The following SAR1B variants were observed in gnomAD, a reference collection of about 807,000 sequenced individuals.
SAR1B encodes secretion associated Ras related GTPase 1B, also known as small COPII coat GTPase SAR1B.
Under a neutral mutation model 26.8 loss-of-function variants are expected in SAR1B, and 23 were observed. The ratio of observed to expected loss-of-function variants is 0.86; its 90% confidence interval spans 0.62 to 1.22. SAR1B has a LOEUF of 1.22. Ranked by LOEUF, SAR1B falls within the 50% of genes most tolerant of loss-of-function variation. The pLI is 0.00. For missense variants in SAR1B, 196 were observed against 232.8 expected (o/e 0.84, Z 1.03); for synonymous variants, 65 against 80.8 (o/e 0.80, Z 1.05).
In SAR1B at chr5:134,621,065, A is replaced by C; in HGVS notation, c.59-13T>G. 1 of 1,612,628 alleles carries C rather than the reference A, an allele frequency of 6.2e-7. No homozygotes were observed. Among genetic ancestry groups the C allele is most frequent in the South Asian group, 1.1e-5 (1 of 91,066 alleles). ...TTCTTATATAATCCTGCAAAGCAAGAGCTATGATTGGTCAAAGTGATATCT... is the reference window on the plus strand; with the variant it reads ...TTCTTATATAATCCTGCAAAGCAAGCGCTATGATTGGTCAAAGTGATATCT... On this transcript the variant is annotated splice_polypyrimidine_tract_variant and intron_variant, in intron 2 of 6. Coordinates refer to ENST00000402673, the MANE Select transcript of SAR1B (RefSeq NM_016103.4).
intron 4 of SAR1B, among the ~76,000 whole-genome samples, chr5:134,611,685 G>A (rs1213290784): frequency 6.6e-6 from 1 of 152,152 alleles, no homozygotes; most frequent in East Asian, 1.9e-4. Flanking sequence ...TAAGTGCTAT[G>A]AAGTATAGCT....
chr5:134,630,456 CAAAAAAAAA>C (rs773343974), intron 1 of SAR1B, among the ~76,000 whole-genome samples: 7 of 41,562 alleles, frequency 1.7e-4, no homozygotes, highest in African/African-American at 6.3e-4. Flanking sequence ...AACTCTATCT[CAAAAAAAAA>C]AAAAAAAAAA....
intron 1 of SAR1B, among the ~76,000 whole-genome samples, chr5:134,627,372 G>GT (rs1385387536): frequency 6.6e-6 from 1 of 151,094 alleles, no homozygotes; most frequent in African/African-American, 2.4e-5. Flanking sequence ...TTTTGACAGA[G>GT]TCTCCCTCTC....
rs1439122387 is a variant in SAR1B, at chr5:134,602,216, A to G, written c.*4734T>C. On this transcript the variant is annotated 3_prime_UTR_variant, in exon 7 of 7. Transcript: ENST00000402673. ...GGATAACTTCGCTTACTTTCCTTTGAATACTTTGGATTCTGTTTAAAAGTA... is the reference window on the plus strand; with the variant it reads ...GGATAACTTCGCTTACTTTCCTTTGGATACTTTGGATTCTGTTTAAAAGTA... 2 of 152,240 alleles carry G rather than the reference A, an allele frequency of 1.3e-5. No individual in the cohort carries two copies. Among genetic ancestry groups the G allele is most frequent in the African/African-American group, 2.4e-5 (1 of 41,460 alleles). The allele number at this position is 152,240 out of a possible 1,614,324, so 9.4% of individuals were successfully genotyped here.
intron 3 of SAR1B, among the ~76,000 whole-genome samples, chr5:134,617,691 G>GA (rs1020739883): frequency 1.3e-5 from 2 of 151,854 alleles, no homozygotes; most frequent in African/African-American, 4.8e-5. Context: ...TGTGTTTTTT[G>GA]TTTTTTTCGA....
rs184929645 is a variant in SAR1B, at chr5:134,603,232, C to T, written c.*3718G>A. ...TTACTTGGCAATAAATCCTTGCAAA[C>T]GTCAGTCATGTAAGTGACTAACAAG... On this transcript the variant is annotated 3_prime_UTR_variant, in exon 7 of 7. Transcript: ENST00000402673. 1.6e-4 allele frequency: 24 copies of T among 152,246 alleles called. No individual in the cohort carries two copies. The highest frequency in any genetic ancestry group is 1.2e-3 in the Admixed American group (18 of 15,290). 9.4% of individuals were successfully genotyped at this position (152,246 alleles called of 1,614,324 possible). A position where few individuals can be genotyped will look rare whatever the true frequency, so the allele number is the denominator to read the frequency against.
At chr5:134,628,865 A>G (rs1291144960) in intron 1 of SAR1B, among the ~76,000 whole-genome samples, 2 of 152,004 alleles carry the variant, frequency 1.3e-5, no homozygotes. Flanking sequence ...CATCTTAGCC[A>G]GGCTGGTCTT....
intron 1 of SAR1B, among the ~76,000 whole-genome samples, chr5:134,630,889 CTTTTTT>C (rs781218368): frequency 1.4e-5 from 1 of 69,144 alleles, no homozygotes; most frequent in Non-Finnish European, 2.8e-5. Context: ...CTTTTTTTTT[CTTTTTT>C]TTTTTTTTTT....
intron 4 of SAR1B, 43 bp downstream of exon 4, chr5:134,612,640 CTAAAAAAA>C: frequency 1.1e-6 from 1 of 898,174 alleles, no homozygotes; most frequent in Non-Finnish European, 1.4e-6. Flanking sequence ...GTGAGCCTGT[CTAAAAAAA>C]AAAAAAAAAA....
intron 1 of SAR1B, 40 bp from the exon 2 acceptor site, chr5:134,624,077 C>T (rs1765457437): frequency 9.3e-7 from 1 of 1,069,648 alleles, no homozygotes; most frequent in Non-Finnish European, 1.5e-6. Flanking sequence ...CAACATTAAA[C>T]ACCAATATAC....
In SAR1B at chr5:134,615,344, T is replaced by A. The variant is rs1369288042; in HGVS notation, c.179-2588A>T. ...GCCTGGGGAACAGAGCGAGACTCCATCTCAAAAAAAAAAAAAAAAAATTAC... is the reference window on the plus strand; with the variant it reads ...GCCTGGGGAACAGAGCGAGACTCCAACTCAAAAAAAAAAAAAAAAAATTAC... On this transcript the variant is annotated intron_variant, in intron 3 of 6. Coordinates refer to ENST00000402673, the MANE Select transcript of SAR1B (RefSeq NM_016103.4). Among the ~76,000 whole-genome samples the A allele has an allele frequency of 1.6e-3, 219 of 139,270 alleles. 1 individual carries two copies. The highest frequency in any genetic ancestry group is 7.3e-3 in the Middle Eastern group (2 of 274). 91.4% of individuals were successfully genotyped at this position (139,270 alleles called of 152,430 possible).
At chr5:134,617,237 A>G (rs1049911917) in intron 3 of SAR1B, among the ~76,000 whole-genome samples, 2 of 152,144 alleles carry the variant, frequency 1.3e-5, no homozygotes, top group African/African-American at 4.8e-5. Flanking sequence ...GACTCAAAAA[A>G]AAAAAATAAT....
intron 6 of SAR1B, 134 bp from the exon 7 acceptor site, chr5:134,607,200 G>A: frequency 1.4e-6 from 1 of 732,300 alleles, no homozygotes; most frequent in Non-Finnish European, 2.4e-6. Context: ...AGTCGTGGCT[G>A]CTTGGCATCC....
At chr5:134,612,453 C>T (rs1049183248) in intron 4 of SAR1B, among the ~76,000 whole-genome samples, 7 of 151,542 alleles carry the variant, frequency 4.6e-5, no homozygotes, top group Admixed American at 2.6e-4. Flanking sequence ...GAGAATCTTA[C>T]CTTGAACGTG....
intron 1 of SAR1B, among the ~76,000 whole-genome samples, chr5:134,629,501 A>C (rs935699598): frequency 1.2e-4 from 18 of 152,166 alleles, no homozygotes; most frequent in African/African-American, 4.3e-4. Context: ...GTTCAAGACC[A>C]GCCTGACTAA....
chr5:134,607,772 CAAAA>C (rs35665930), intron 6 of SAR1B, among the ~76,000 whole-genome samples: 1 of 99,678 alleles, frequency 1.0e-5, no homozygotes, highest in African/African-American at 3.8e-5. Context: ...AACTCCATCT[CAAAA>C]AAAAAAAAAA....
intron 3 of SAR1B, among the ~76,000 whole-genome samples, chr5:134,615,796 G>T (rs1449606709): frequency 1.3e-5 from 2 of 150,404 alleles, no homozygotes; most frequent in East Asian, 3.9e-4. Context: ...TAGCCTGGGC[G>T]ACAGAGCAAG....
intron 5 of SAR1B, among the ~76,000 whole-genome samples, 191 bp from the exon 6 acceptor site, chr5:134,608,694 G>T (rs1375804716): frequency 6.6e-6 from 1 of 152,072 alleles, no homozygotes; most frequent in Non-Finnish European, 1.5e-5. Flanking sequence ...GTCTTCCTAA[G>T]GCTCTTCCTG....
At chr5:134,621,474 AAAAATAAAT>A (rs1260894640) in intron 2 of SAR1B, among the ~76,000 whole-genome samples, 4 of 45,362 alleles carry the variant, frequency 8.8e-5, no homozygotes, top group Non-Finnish European at 1.7e-4. Context: ...CTCTGTCTCA[AAAAATAAAT>A]AAATAAATAA....
Sources: allele counts gnomAD v4.1 joint callset (sites outside exome capture counted in the v4.1 genomes callset), GRCh38; gene constraint gnomAD v4.1.1; transcripts MANE v1.5; gene names NCBI Gene and HGNC (gene_info 2026-07-23, HGNC 2026-07-21).